The following LTBP1 variants were observed in gnomAD, a reference collection of about 807,000 sequenced individuals.
The protein encoded by LTBP1 is latent transforming growth factor beta binding protein 1.
A neutral mutation model predicts 207.6 loss-of-function variants in LTBP1; 129 were observed. That is an observed-to-expected ratio of 0.62 (90% CI 0.54 to 0.72). The LOEUF (loss-of-function observed/expected upper bound fraction) is 0.72, where lower values mean the gene tolerates loss of function less well. Ranked by LOEUF, LTBP1 falls within the 30% of genes least tolerant of loss-of-function variation. The probability of loss-of-function intolerance (pLI) is 0.00; values close to 1 mark genes in which losing one functional copy is unlikely to be tolerated. For synonymous variants in LTBP1, 963 were observed against 833.7 expected, an observed-to-expected ratio of 1.16 and a Z score of -2.67; for missense variants, 2,281 against 2,217.2, an observed-to-expected ratio of 1.03 and a Z score of -0.58.
chr2:33,288,933 C>A (rs1331797007), intron 19 of LTBP1, among the ~76,000 whole-genome samples: 2 of 151,438 alleles, frequency 1.3e-5, no homozygotes, highest in African/African-American at 4.9e-5. Context: ...TTAATCTTGA[C>A]AAAGAACTGT....
chr2:33,061,694 T>C (rs116384487), intron 3 of LTBP1, among the ~76,000 whole-genome samples: 226 of 152,308 alleles, frequency 1.5e-3, no homozygotes, highest in African/African-American at 5.2e-3. Flanking sequence ...TGGCAATTTG[T>C]TTGTCCAGTC....
chr2:33,180,402 A>G (rs1168957446), intron 5 of LTBP1, among the ~76,000 whole-genome samples: 1 of 151,080 alleles, frequency 6.6e-6, no homozygotes, highest in Non-Finnish European at 1.5e-5. Flanking sequence ...TTGGTGATGC[A>G]TACCGAATGA....
chr2:33,352,970 CTTTTTTTTTTTT>C (rs61357622), intron 26 of LTBP1, among the ~76,000 whole-genome samples: 1,378 of 93,250 alleles, frequency 0.015, 13 homozygotes, highest in Non-Finnish European at 0.02. Context: ...GTAAGCCTTT[CTTTTTTTTTTTT>C]TTTTTTTTTT....
At chr2:33,284,418 T>G (rs904629753) in intron 19 of LTBP1, among the ~76,000 whole-genome samples, 3 of 152,200 alleles carry the variant, frequency 2.0e-5, no homozygotes, top group Non-Finnish European at 2.9e-5. Flanking sequence ...TAACGTAGCT[T>G]CTTCTTTCAA....
intron 9 of LTBP1, among the ~76,000 whole-genome samples, chr2:33,224,298 G>A (rs538515241): frequency 1.5e-4 from 23 of 152,260 alleles, no homozygotes; most frequent in Admixed American, 2.0e-4. Context: ...ACAGAGGAGG[G>A]TCCTTATTTA....
chr2:33,317,297 C>G (rs931692142), intron 24 of LTBP1, among the ~76,000 whole-genome samples: 3 of 152,146 alleles, frequency 2.0e-5, no homozygotes, highest in Non-Finnish European at 2.9e-5. Flanking sequence ...GACTCCAGAA[C>G]CTGGACAATT....
At position 33,048,078 on chromosome 2, in the gene LTBP1, C is replaced by T. The variant is rs540339469; in HGVS notation, c.863+26872C>T. ...GATGAACCTTGCATAAATTAAGAGCCGTAGCATTGTTGCAGGCATTGTGTT... is the reference window on the plus strand; with the variant it reads ...GATGAACCTTGCATAAATTAAGAGCTGTAGCATTGTTGCAGGCATTGTGTT... On this transcript the variant is annotated intron_variant, in intron 3 of 33. Transcript: ENST00000404816. Among the ~76,000 whole-genome samples the T allele has an allele frequency of 3.3e-5, 5 of 152,134 alleles. No individual in the cohort carries two copies. In the South Asian group the frequency reaches 8.3e-4, roughly 25 times the overall value.
intron 3 of LTBP1, among the ~76,000 whole-genome samples, chr2:33,082,506 G>A (rs1186946130): frequency 7.7e-6 from 1 of 130,086 alleles, no homozygotes; most frequent in Non-Finnish European, 1.5e-5. Context: ...CAGAGTGCAG[G>A]TGCGATCTCG....
chr2:33,102,400 G>A (rs1025305885), intron 3 of LTBP1, among the ~76,000 whole-genome samples: 1 of 152,126 alleles, frequency 6.6e-6, no homozygotes, highest in African/African-American at 2.4e-5. Context: ...ATTGCCAAGT[G>A]TCCCTGAGAA....
At chr2:33,196,888 G>C (rs572734273) in intron 7 of LTBP1, among the ~76,000 whole-genome samples, 3 of 152,292 alleles carry the variant, frequency 2.0e-5, no homozygotes, top group African/African-American at 7.2e-5. Flanking sequence ...GAATAGATTT[G>C]CTGATGATAG....
intron 3 of LTBP1, among the ~76,000 whole-genome samples, chr2:33,086,266 G>A (rs2078749236): frequency 6.6e-6 from 1 of 152,242 alleles, no homozygotes; most frequent in Admixed American, 6.5e-5. Flanking sequence ...GTAAGTTCAA[G>A]AAAGAGACCT....
rs552868734 is a variant in LTBP1, at chr2:33,358,407, G to A, written c.4001-2190G>A. On this transcript the variant is annotated intron_variant, in intron 26 of 33. Transcript: ENST00000404816. ...TGTATTTGTCTATATATATGTGTGTGTGTTTAAAATGCATAAAATTATATT... is the reference window on the plus strand; with the variant it reads ...TGTATTTGTCTATATATATGTGTGTATGTTTAAAATGCATAAAATTATATT... Among the ~76,000 whole-genome samples the A allele has an allele frequency of 6.6e-5, 10 of 151,676 alleles. No individual in the cohort carries two copies. The East Asian group carries it at 1.9e-3, about 29-fold the overall frequency.
In LTBP1 at chr2:33,253,988, C is replaced by G. The variant is rs373496994; in HGVS notation, c.2167+1144C>G. Among the ~76,000 whole-genome samples the G allele has an allele frequency of 7.6e-5, 11 of 145,346 alleles. No individual in the cohort carries two copies. In the East Asian group the frequency reaches 8.6e-4, roughly 11 times the overall value. ...CACTGCAAGCTCCGCCTCCCAGGTTCACACCATTCTCCTGCCTCAGCCTCC... is the reference window on the plus strand; with the variant it reads ...CACTGCAAGCTCCGCCTCCCAGGTTGACACCATTCTCCTGCCTCAGCCTCC... On this transcript the variant is annotated intron_variant, in intron 11 of 33. Transcript: ENST00000404816.
At chr2:33,280,205 C>A (rs1352440219) in intron 19 of LTBP1, 47 bp downstream of exon 19, 1 of 1,564,918 alleles carries the variant, frequency 6.4e-7, no homozygotes. Context: ...TTCTGCATGG[C>A]CCATTTTCTG....
intron 7 of LTBP1, among the ~76,000 whole-genome samples, chr2:33,215,636 C>A (rs1432756831): frequency 6.6e-6 from 1 of 152,096 alleles, no homozygotes; most frequent in Non-Finnish European, 1.5e-5. Flanking sequence ...CTGAGGGCCA[C>A]CACCTGCCTG....
intron 5 of LTBP1, among the ~76,000 whole-genome samples, chr2:33,174,405 A>G (rs2085797484): frequency 6.6e-6 from 1 of 152,226 alleles, no homozygotes; most frequent in Non-Finnish European, 1.5e-5. Context: ...TCCCATTCAC[A>G]ATTGCTTCCA....
chr2:33,309,128 C>G (rs1388766186), intron 22 of LTBP1, among the ~76,000 whole-genome samples: 3 of 151,706 alleles, frequency 2.0e-5, no homozygotes, highest in Non-Finnish European at 1.5e-5. Context: ...ACTAAAAATA[C>G]AAAAATTAGT....
intron 2 of LTBP1, among the ~76,000 whole-genome samples, chr2:32,949,955 C>T (rs1676850161): frequency 6.6e-6 from 1 of 152,180 alleles, no homozygotes; most frequent in Non-Finnish European, 1.5e-5. Flanking sequence ...TATGATCAAG[C>T]AGTAATTGCA....
chr2:33,243,087 C>T (rs2092390918), intron 9 of LTBP1, among the ~76,000 whole-genome samples: 1 of 152,186 alleles, frequency 6.6e-6, no homozygotes, highest in Non-Finnish European at 1.5e-5. Context: ...TCCTTCCCTT[C>T]CTCGCCCATC....
Sources: gnomAD v4.1 joint callset for allele counts (sites outside exome capture counted in the v4.1 genomes callset) on GRCh38, gnomAD v4.1.1 for gene constraint, MANE v1.5 for transcripts, NCBI Gene and HGNC (gene_info 2026-07-23, HGNC 2026-07-21) for gene names.